Variants in SMYD1 observed in about 807,000 individuals in gnomAD.
SMYD1 encodes the protein SET and MYND domain containing 1.
In SMYD1, 49 loss-of-function variants were observed where a neutral mutation model predicts 54.0. That is an observed-to-expected ratio of 0.91 (90% CI 0.72 to 1.15). The LOEUF (loss-of-function observed/expected upper bound fraction) is 1.15. Ranked by LOEUF, SMYD1 falls within the 50% of genes most tolerant of loss-of-function variation. SMYD1 has a pLI of 0.00. For missense variants in SMYD1, 653 were observed against 639.6 expected, an observed-to-expected ratio of 1.02 and a Z score of -0.23; for synonymous variants, 269 against 234.2, an observed-to-expected ratio of 1.15 and a Z score of -1.36.
chr2:88,079,290 T>G (rs546622137), intron 1 of SMYD1, among the ~76,000 whole-genome samples: 13 of 152,326 alleles, frequency 8.5e-5, no homozygotes, highest in African/African-American at 3.1e-4. Context: ...CACTGGAATT[T>G]ATTCTTAGGG....
At chr2:88,087,172 G>A (rs1411279522) in intron 2 of SMYD1, among the ~76,000 whole-genome samples, 1 of 150,944 alleles carries the variant, frequency 6.6e-6, no homozygotes, top group Non-Finnish European at 1.5e-5. Context: ...CTGGAGGTTA[G>A]CATAGCAGGG....
intron 3 of SMYD1, among the ~76,000 whole-genome samples, chr2:88,090,292 G>A (rs1373158474): frequency 6.6e-6 from 1 of 152,128 alleles, no homozygotes; most frequent in African/African-American, 2.4e-5. Context: ...TAGATGAAGT[G>A]GAAATCTGCA....
chr2:88,103,449 T>A (rs1573120218), intron 7 of SMYD1, among the ~76,000 whole-genome samples: 1 of 152,172 alleles, frequency 6.6e-6, no homozygotes, highest in East Asian at 1.9e-4. Flanking sequence ...GTATCGGAGA[T>A]GGGGGAATGC....
chr2:88,087,777 C>A, intron 2 of SMYD1, 85 bp from the exon 3 acceptor site: 1 of 1,207,948 alleles, frequency 8.3e-7, no homozygotes, highest in Non-Finnish European at 1.1e-6. Context: ...CAACATTGTG[C>A]CTGGCATGCA....
intron 1 of SMYD1, among the ~76,000 whole-genome samples, chr2:88,069,615 T>C (rs924770672): frequency 2.6e-5 from 4 of 152,224 alleles, no homozygotes; most frequent in African/African-American, 9.6e-5. Context: ...AAAGTCAATC[T>C]AGCCAATCAG....
intron 2 of SMYD1, among the ~76,000 whole-genome samples, chr2:88,086,968 A>G (rs1434913523): frequency 3.8e-4 from 54 of 140,666 alleles, no homozygotes; most frequent in Admixed American, 6.5e-4. Flanking sequence ...ACATCTCCCA[A>G]TGCTATCCCT....
chr2:88,087,853 T>C lies in SMYD1; in HGVS notation c.315-9T>C. ...CTGTAGTGGCCTCCTGACGCTGCCC[T>C]TCCCACAGGCTGGCGGCGCGCATCA... On this transcript the variant is annotated splice_polypyrimidine_tract_variant and intron_variant, in intron 2 of 9. Transcript: ENST00000419482. 6.4e-7 allele frequency: 1 copy of C among 1,558,874 alleles called. No homozygotes were observed.
chr2:88,095,766 A>G (rs769132799), intron 5 of SMYD1, among the ~76,000 whole-genome samples: 3 of 152,150 alleles, frequency 2.0e-5, no homozygotes, highest in Admixed American at 6.5e-5. Flanking sequence ...TGGAGGATGC[A>G]TGGCTGAGAG....
At chr2:88,087,149 C>T (rs1674348837) in intron 2 of SMYD1, among the ~76,000 whole-genome samples, 1 of 149,612 alleles carries the variant, frequency 6.7e-6, no homozygotes, top group South Asian at 2.1e-4. Flanking sequence ...TTCACTTTGT[C>T]TTCTGAATAC....
intron 3 of SMYD1, among the ~76,000 whole-genome samples, chr2:88,090,219 T>C (rs1674433275): frequency 2.0e-5 from 3 of 152,214 alleles, no homozygotes; most frequent in Admixed American, 6.5e-5. Context: ...CAAATATCCA[T>C]GTGAGGGCAT....
intron 2 of SMYD1, 88 bp downstream of exon 2, chr2:88,084,580 G>A: frequency 7.7e-7 from 1 of 1,300,710 alleles, no homozygotes; most frequent in Non-Finnish European, 1.1e-6. Flanking sequence ...ATCTAAGGAA[G>A]CCAAGCTGAG....
chr2:88,077,349 G>A (rs1213649735), intron 1 of SMYD1, among the ~76,000 whole-genome samples: 2 of 152,264 alleles, frequency 1.3e-5, no homozygotes, highest in African/African-American at 4.8e-5. Flanking sequence ...AAGCAGGTGG[G>A]CCTTGTAGCT....
chr2:88,106,553 A>G, intron 8 of SMYD1, 65 bp downstream of exon 8: 1 of 1,548,886 alleles, frequency 6.5e-7, no homozygotes, highest in South Asian at 1.2e-5. Context: ...GATGGCAAAT[A>G]GATGGCACAT....
intron 6 of SMYD1, among the ~76,000 whole-genome samples, chr2:88,098,161 A>G (rs906074627): frequency 6.6e-5 from 10 of 152,286 alleles, no homozygotes; most frequent in Non-Finnish European, 1.3e-4. Context: ...TCCCTCCTGG[A>G]GACTGGCCCT....
chr2:88,091,986 C>T (rs1188735537), intron 4 of SMYD1, among the ~76,000 whole-genome samples: 1 of 152,182 alleles, frequency 6.6e-6, no homozygotes, highest in Non-Finnish European at 1.5e-5. Flanking sequence ...CCTGGAAGGG[C>T]AGGTGAAGGA....
Position 88,067,986 on chromosome 2 carries a change from C to T in SMYD1, c.122C>T (p.Ala41Val), listed in dbSNP as rs774184908. Reference sequence around the variant, plus strand: ...ATCTTTGCTGAGCGGGCTTATTCCGCAGTGGTTTTTGACAGGTATGAAATG... The same window carrying T: ...ATCTTTGCTGAGCGGGCTTATTCCGTAGTGGTTTTTGACAGGTATGAAATG... ...DIIFAERAYS[A>V]VVFDSLVNFV... The change falls in exon 1 of 10, where the codon GCA becomes GTA. Residue 41 changes from alanine to valine, a missense_variant. Coordinates refer to ENST00000419482, the MANE Select transcript of SMYD1 (RefSeq NM_198274.4). 14 of 1,613,386 alleles carry T rather than the reference C, an allele frequency of 8.7e-6. No individual in the cohort carries two copies. The highest frequency in any genetic ancestry group is 5.5e-5 in the South Asian group (5 of 91,044).
chr2:88,087,859 C>CG lies in SMYD1; in HGVS notation c.315-3_315-2insG. On this transcript the variant is annotated splice_region_variant and splice_polypyrimidine_tract_variant and intron_variant, in intron 2 of 9. Transcript: ENST00000419482. ...TGGCCTCCTGACGCTGCCCTTCCCA[C>CG]AGGCTGGCGGCGCGCATCATGTGGC... is the stretch of plus-strand genomic sequence containing the variant. 6.4e-7 allele frequency: 1 copy of CG among 1,563,270 alleles called. No homozygotes were observed. Among genetic ancestry groups the CG allele is most frequent in the Non-Finnish European group, 8.7e-7 (1 of 1,154,210 alleles).
rs1251873973 is a variant in SMYD1, at chr2:88,089,584, TG to T, written c.529-1427del. Among the ~76,000 whole-genome samples, 979 of 110,998 alleles carry T rather than the reference TG, an allele frequency of 8.8e-3. 50 individuals are homozygous for T. Among genetic ancestry groups the T allele is most frequent in the South Asian group, 0.014 (46 of 3,302 alleles). The allele number at this position is 110,998 out of a possible 152,430, so 72.8% of individuals were successfully genotyped here. Reference sequence around the variant, plus strand: ...ATTTTCAGGAGCCAGAGCTTCTACCTGTTTTTTTTTTTTTTTTTTTTTTTTG... The same window carrying T: ...ATTTTCAGGAGCCAGAGCTTCTACCTTTTTTTTTTTTTTTTTTTTTTTTTG... On this transcript the variant is annotated intron_variant, in intron 3 of 9. Transcript: ENST00000419482.
intron 9 of SMYD1, 114 bp downstream of exon 9, chr2:88,108,653 A>G (rs2919858): frequency 0.7 from 763,262 of 1,086,032 alleles, 270,073 homozygotes; most frequent in South Asian, 0.81. Flanking sequence ...CAGCTAGACA[A>G]AAGGGAACTC....
Sources: allele counts gnomAD v4.1 joint callset (sites outside exome capture counted in the v4.1 genomes callset), GRCh38; gene constraint gnomAD v4.1.1; transcripts MANE v1.5; gene names NCBI Gene and HGNC (gene_info 2026-07-23, HGNC 2026-07-21).